Variants in WARS2 observed in about 807,000 individuals in gnomAD.
The protein encoded by WARS2 is tryptophanyl tRNA synthetase 2, mitochondrial.
In WARS2, 28 loss-of-function variants were observed where a neutral mutation model predicts 36.5. The ratio of observed to expected loss-of-function variants is 0.77; its 90% CI spans 0.57 to 1.05. WARS2 has a LOEUF of 1.05. WARS2 is among the 50% of genes least tolerant of loss of function. WARS2 has a pLI of 0.00. For synonymous variants in WARS2, 174 were observed against 178.4 expected (o/e 0.98, Z 0.20); for missense variants, 435 against 456.8 (o/e 0.95, Z 0.44).
intron 1 of WARS2, among the ~76,000 whole-genome samples, chr1:119,121,605 A>G (rs984954070): frequency 6.6e-6 from 1 of 152,182 alleles, no homozygotes; most frequent in Non-Finnish European, 1.5e-5. Flanking sequence ...GGCAAAAAGA[A>G]CAAATCTGGA....
chr1:119,133,766 T>C (rs998420295), intron 1 of WARS2, among the ~76,000 whole-genome samples: 5 of 152,118 alleles, frequency 3.3e-5, no homozygotes, highest in Non-Finnish European at 7.3e-5. Context: ...TTAGTACAAA[T>C]AGGATAACAG....
intron 1 of WARS2, among the ~76,000 whole-genome samples, chr1:119,114,262 C>T (rs1278503088): frequency 1.3e-5 from 2 of 152,110 alleles, no homozygotes; most frequent in Non-Finnish European, 2.9e-5. Context: ...AAAAACAAGT[C>T]GCCAACCTAC....
chr1:119,120,475 CAA>C (rs1338690114), intron 1 of WARS2, among the ~76,000 whole-genome samples: 3 of 151,960 alleles, frequency 2.0e-5, no homozygotes, highest in African/African-American at 7.2e-5. Flanking sequence ...ATCAGACATT[CAA>C]AGAAGAATTA....
At chr1:119,061,909 C>G (rs1005506636) in intron 2 of WARS2, among the ~76,000 whole-genome samples, 1 of 152,150 alleles carries the variant, frequency 6.6e-6, no homozygotes, top group Non-Finnish European at 1.5e-5. Flanking sequence ...TAATCCCCAG[C>G]TGGTAAAGTA....
At chr1:119,109,886 C>CG (rs1654511516) in intron 1 of WARS2, among the ~76,000 whole-genome samples, 1 of 151,530 alleles carries the variant, frequency 6.6e-6, no homozygotes, top group Admixed American at 6.6e-5. Flanking sequence ...CCTTTTTTAG[C>CG]ATATCTATTA....
At chr1:119,049,887 G>A (rs1375321359) in intron 2 of WARS2, among the ~76,000 whole-genome samples, 6 of 152,162 alleles carry the variant, frequency 3.9e-5, no homozygotes, top group Non-Finnish European at 8.8e-5. Flanking sequence ...AGAACACTGT[G>A]ATAACTTCCC....
At chr1:119,131,696 C>T (rs1259508001) in intron 1 of WARS2, among the ~76,000 whole-genome samples, 2 of 152,128 alleles carry the variant, frequency 1.3e-5, no homozygotes, top group South Asian at 2.1e-4. Flanking sequence ...CTCCTGACCT[C>T]GTGATCTGCC....
chr1:119,132,365 C>A (rs991481242), intron 1 of WARS2, among the ~76,000 whole-genome samples: 1 of 152,164 alleles, frequency 6.6e-6, no homozygotes, highest in African/African-American at 2.4e-5. Context: ...TAGCTAGTAG[C>A]CAGTCGGTGG....
chr1:119,094,970 T>C (rs1448057152), intron 1 of WARS2, among the ~76,000 whole-genome samples: 5 of 152,176 alleles, frequency 3.3e-5, no homozygotes, highest in Non-Finnish European at 5.9e-5. Flanking sequence ...TAAAAGATTA[T>C]CTCAATAATC....
At chr1:119,098,302 T>C (rs1653596850) in intron 1 of WARS2, among the ~76,000 whole-genome samples, 1 of 152,126 alleles carries the variant, frequency 6.6e-6, no homozygotes, top group Non-Finnish European at 1.5e-5. Context: ...TAAAATACTC[T>C]TAGAATAATA....
chr1:119,127,337 C>T, intron 1 of WARS2: 2 of 500,312 alleles, frequency 4.0e-6, no homozygotes, highest in East Asian at 4.4e-5. Context: ...ATTACTGTCT[C>T]TGTTTTACAG....
chr1:119,116,021 T>G (rs1350926880), intron 1 of WARS2, among the ~76,000 whole-genome samples: 2 of 152,230 alleles, frequency 1.3e-5, no homozygotes, highest in Admixed American at 1.3e-4. Context: ...CATTATGCGT[T>G]TGCGCTATTG....
chr1:119,060,163 G>T (rs1650259116), intron 2 of WARS2, among the ~76,000 whole-genome samples: 1 of 152,118 alleles, frequency 6.6e-6, no homozygotes, highest in Non-Finnish European at 1.5e-5. Context: ...TCTAGTAATG[G>T]CTACTTAGCT....
At position 119,076,481 on chromosome 1, in the gene WARS2, T is replaced by A; in HGVS notation, c.217A>T (p.Ile73Phe). Residue 73 changes from isoleucine (I) to phenylalanine (F), a missense_variant, in exon 2 of 6, where the codon ATT becomes TTT. Physicochemically the swap from Ile to Phe is conservative, Grantham distance 21. Coordinates refer to ENST00000235521, the MANE Select transcript of WARS2 (RefSeq NM_015836.4). Reference sequence around the variant, plus strand: ...ACAGTAATGGAGTGGAGGTCAACAATGCTGTATAATACAGAGTCATATTCA... The same window carrying A: ...ACAGTAATGGAGTGGAGGTCAACAAAGCTGTATAATACAGAGTCATATTCA... ...QDEYDSVLYS[I>F]VDLHSITVPQ... 1 of 1,614,126 alleles carries A rather than the reference T, an allele frequency of 6.2e-7. No individual in the cohort carries two copies.
intron 1 of WARS2, among the ~76,000 whole-genome samples, chr1:119,131,277 T>C (rs1656073492): frequency 6.6e-6 from 1 of 151,864 alleles, no homozygotes; most frequent in South Asian, 2.1e-4. Context: ...AATGATAGAG[T>C]ACAGACAGAT....
intron 1 of WARS2, among the ~76,000 whole-genome samples, chr1:119,089,473 C>T (rs941776718): frequency 2.6e-5 from 4 of 152,114 alleles, no homozygotes; most frequent in African/African-American, 9.7e-5. Flanking sequence ...GCCACACTGC[C>T]GGGATTCAAG....
chr1:119,118,896 A>G (rs188857789), intron 1 of WARS2, among the ~76,000 whole-genome samples: 1 of 152,186 alleles, frequency 6.6e-6, no homozygotes, highest in South Asian at 2.1e-4. Flanking sequence ...GAATTCACCA[A>G]TCCCAAGCCA....
At chr1:119,055,307 TG>T (rs1259975465) in intron 2 of WARS2, among the ~76,000 whole-genome samples, 1 of 152,010 alleles carries the variant, frequency 6.6e-6, no homozygotes, top group Non-Finnish European at 1.5e-5. Context: ...AGAAACGAAA[TG>T]GCTAGAAAAA....
chr1:119,081,354 TAGCTTTGAAAC>T (rs1287120741), intron 1 of WARS2, among the ~76,000 whole-genome samples: 1 of 152,230 alleles, frequency 6.6e-6, no homozygotes, highest in African/African-American at 2.4e-5. Flanking sequence ...GGCTGCCTAC[TAGCTTTGAAAC>T]ACTTTCAGCT....
Sources: allele counts gnomAD v4.1 joint callset (sites outside exome capture counted in the v4.1 genomes callset), GRCh38; gene constraint gnomAD v4.1.1; transcripts MANE v1.5; gene names NCBI Gene and HGNC (gene_info 2026-07-23, HGNC 2026-07-21).